Variants in CCDC7 observed in about 807,000 individuals in gnomAD.
The protein encoded by CCDC7 is coiled-coil domain-containing protein 7.
Under a neutral mutation model 196.9 loss-of-function variants are expected in CCDC7, and 183 were observed. The ratio of observed to expected loss-of-function variants is 0.93; its 90% CI spans 0.82 to 1.05. CCDC7 has a LOEUF of 1.05. Among genes scored for constraint, CCDC7 ranks in the 50% least tolerant of loss-of-function variants. The probability of loss-of-function intolerance (pLI) is 0.00; values close to 1 mark genes in which losing one functional copy is unlikely to be tolerated. For synonymous variants in CCDC7, 525 were observed against 484.6 expected (o/e 1.08, Z -1.10); for missense variants, 1,540 against 1,482.2 (o/e 1.04, Z -0.64).
intron 33 of CCDC7, 60 bp downstream of exon 34, chr10:32,834,958 A>G: frequency 1.5e-6 from 1 of 677,928 alleles, no homozygotes; most frequent in South Asian, 1.8e-5. Flanking sequence ...GAAGTTAAAT[A>G]TGGATCTTTG....
intron 11 of CCDC7, among the ~76,000 whole-genome samples, chr10:32,520,295 C>T (rs2047686092): frequency 6.6e-6 from 1 of 152,096 alleles, no homozygotes. Context: ...AACCCTCAAA[C>T]TATTTTCCAT....
Position 32,849,925 on chromosome 10 carries a change from A to G in CCDC7, c.3895+1207A>G, listed in dbSNP as rs2093480596. 2.0e-5 allele frequency among the ~76,000 whole-genome samples: 3 copies of G among 152,142 alleles called. No homozygotes were observed. The South Asian group carries it at 6.2e-4, about 32-fold the overall frequency. ...AGTGTCCCTGATTCTGCAGGGGGGA[A>G]CTTGGATCCCTACTTCTGAAGGCGG... On this transcript the variant is annotated intron_variant, in intron 39 of 41. Transcript: ENST00000639629.
At chr10:32,560,904 A>G (rs556372152) in intron 13 of CCDC7, among the ~76,000 whole-genome samples, 1 of 151,202 alleles carries the variant, frequency 6.6e-6, no homozygotes, top group East Asian at 1.9e-4. Flanking sequence ...AAGACCCATC[A>G]GTATGCTGTA....
At chr10:32,709,771 C>G (rs979240420) in intron 24 of CCDC7, among the ~76,000 whole-genome samples, 11 of 152,106 alleles carry the variant, frequency 7.2e-5, no homozygotes, top group African/African-American at 2.7e-4. Flanking sequence ...GACCAATTTG[C>G]CTGACCTTAG....
chr10:32,516,641 A>G (rs748866837), intron 9 of CCDC7, among the ~76,000 whole-genome samples: 1 of 152,144 alleles, frequency 6.6e-6, no homozygotes, highest in Non-Finnish European at 1.5e-5. Flanking sequence ...CTTTACACCC[A>G]CTAGGATGGC....
At chr10:32,735,885 A>G (rs2084775495) in intron 28 of CCDC7, among the ~76,000 whole-genome samples, 1 of 152,188 alleles carries the variant, frequency 6.6e-6, no homozygotes, top group Non-Finnish European at 1.5e-5. Flanking sequence ...TTTTGTTTAC[A>G]TGTGGATGAC....
At chr10:32,541,948 G>C (rs2051510514) in intron 11 of CCDC7, among the ~76,000 whole-genome samples, 1 of 152,146 alleles carries the variant, frequency 6.6e-6, no homozygotes, top group Non-Finnish European at 1.5e-5. Context: ...GCCCAGACAT[G>C]CTGGTGCCTC....
intron 8 of CCDC7, among the ~76,000 whole-genome samples, chr10:32,490,893 T>A (rs1218327673): frequency 6.6e-6 from 1 of 152,240 alleles, no homozygotes; most frequent in East Asian, 1.9e-4. Flanking sequence ...AAATTATAAA[T>A]TTAATTCTTA....
At chr10:32,806,514 T>C (rs558373083) in intron 30 of CCDC7, among the ~76,000 whole-genome samples, 48 of 152,120 alleles carry the variant, frequency 3.2e-4, no homozygotes, top group Non-Finnish European at 6.0e-4. Context: ...TGACAATGTT[T>C]CATCAAATAG....
chr10:32,496,133 G>A (rs1037166428), intron 9 of CCDC7, among the ~76,000 whole-genome samples: 1 of 151,808 alleles, frequency 6.6e-6, no homozygotes, highest in Non-Finnish European at 1.5e-5. Context: ...GTATTCCTAG[G>A]TATTTTATTC....
At chr10:32,565,191 T>C (rs979551640) in intron 13 of CCDC7, among the ~76,000 whole-genome samples, 3 of 152,226 alleles carry the variant, frequency 2.0e-5, no homozygotes, top group Non-Finnish European at 2.9e-5. Flanking sequence ...TCATGTGTAA[T>C]AGAATTTACT....
chr10:32,519,867 CCTT>C (rs1442556345), intron 11 of CCDC7, among the ~76,000 whole-genome samples: 1 of 152,066 alleles, frequency 6.6e-6, no homozygotes, highest in African/African-American at 2.4e-5. Flanking sequence ...ATCCCCACCT[CCTT>C]CTCACACTCC....
intron 41 of CCDC7, among the ~76,000 whole-genome samples, chr10:32,860,773 A>C (rs1032971067): frequency 2.6e-5 from 4 of 151,184 alleles, no homozygotes; most frequent in African/African-American, 9.7e-5. Flanking sequence ...ACCAATAACA[A>C]ACAGAGAGCC....
intron 5 of CCDC7, among the ~76,000 whole-genome samples, chr10:32,464,550 C>T (rs1426651816): frequency 2.6e-5 from 4 of 152,110 alleles, no homozygotes; most frequent in Non-Finnish European, 4.4e-5. Context: ...ATTCTGGTTG[C>T]CCTGGCTGGA....
chr10:32,545,993 T>C (rs1168080696), intron 13 of CCDC7, among the ~76,000 whole-genome samples: 1 of 147,328 alleles, frequency 6.8e-6, no homozygotes, highest in Non-Finnish European at 1.5e-5. Flanking sequence ...TGCAGAAGAA[T>C]AGAGAAGGAG....
chr10:32,543,228 T>C, intron 11 of CCDC7, 72 bp from the exon 13 acceptor site: 1 of 1,223,806 alleles, frequency 8.2e-7, no homozygotes, highest in African/African-American at 1.6e-5. Context: ...ATTAATAATG[T>C]ATATTATCAT....
chr10:32,710,619 A>G (rs2080663732), intron 24 of CCDC7, among the ~76,000 whole-genome samples: 1 of 152,142 alleles, frequency 6.6e-6, no homozygotes, highest in African/African-American at 2.4e-5. Flanking sequence ...AGCACTTTCT[A>G]AGACCCACTG....
At chr10:32,827,267 C>T (rs2091265744) in intron 32 of CCDC7, among the ~76,000 whole-genome samples, 2 of 152,202 alleles carry the variant, frequency 1.3e-5, no homozygotes, top group Admixed American at 1.3e-4. Context: ...ATGGCCACTG[C>T]TGAGTGCCTA....
At chr10:32,619,458 C>T (rs990540153) in intron 18 of CCDC7, among the ~76,000 whole-genome samples, 1 of 151,794 alleles carries the variant, frequency 6.6e-6, no homozygotes, top group African/African-American at 2.4e-5. Context: ...ACACTGGGAT[C>T]AATATTTGAT....
Sources: gnomAD v4.1 joint callset for allele counts (sites outside exome capture counted in the v4.1 genomes callset) on GRCh38, gnomAD v4.1.1 for gene constraint, MANE v1.5 for transcripts, NCBI Gene and HGNC (gene_info 2026-07-23, HGNC 2026-07-21) for gene names.